Variants in ERLIN1 observed in about 807,000 individuals in gnomAD.
ERLIN1 encodes the protein ER lipid raft associated 1, also known as erlin-1.
ERLIN1 carries 24 observed loss-of-function variants against 46.9 expected under a neutral mutation model. That is an observed-to-expected ratio of 0.51 (90% CI 0.37 to 0.72). ERLIN1 has a LOEUF of 0.72. ERLIN1 is among the 30% of genes least tolerant of loss of function. ERLIN1 has a pLI of 0.00. For synonymous variants in ERLIN1, 158 were observed against 143.2 expected, an observed-to-expected ratio of 1.10 and a Z score of -0.74; for missense variants, 293 against 417.9, an observed-to-expected ratio of 0.70 and a Z score of 2.61.
At chr10:100,183,688 C>T (rs1844790130) in intron 2 of ERLIN1, 68 bp downstream of exon 2, 1 of 1,020,238 alleles carries the variant, frequency 9.8e-7, no homozygotes. Flanking sequence ...CTATCTCCAC[C>T]CACAAGTGTG....
intron 5 of ERLIN1, among the ~76,000 whole-genome samples, chr10:100,175,129 T>C (rs56656771): frequency 0.012 from 1,804 of 152,280 alleles, 34 homozygotes; most frequent in African/African-American, 0.041. Flanking sequence ...CTATCATAAA[T>C]GAAAAGTAAG....
chr10:100,157,047 CAAG>C (rs1312661365), intron 8 of ERLIN1, among the ~76,000 whole-genome samples: 2 of 152,052 alleles, frequency 1.3e-5, no homozygotes, highest in Non-Finnish European at 2.9e-5. Flanking sequence ...AAAAGAAAGA[CAAG>C]AAGGCACAAA....
In ERLIN1 at chr10:100,185,922, C is replaced by A. The variant is rs1844951269; in HGVS notation, c.-296G>T. 6.6e-6 allele frequency: 3 copies of A among 456,760 alleles called. No individual in the cohort carries two copies. In the East Asian group the frequency reaches 1.0e-4, roughly 16 times the overall value. 28.3% of individuals were successfully genotyped at this position (456,760 alleles called of 1,614,324 possible). ...CACTAACTGAGAAGAAGCCCAGCCG[C>A]AGGCTCGCGAGGAAAGCCGACCCCT... On this transcript the variant is annotated 5_prime_UTR_variant, in exon 1 of 11. Transcript: ENST00000421367.
In ERLIN1 at chr10:100,167,372, G is replaced by T; in HGVS notation, c.539C>A (p.Ala180Asp). ...VRVTKPKIPE[A>D]IRRNFELMEA... ...CATTAACTCAAAATTTCTTCTTATG[G>T]CTTCTGGGATTTTGGGTTTTGTAAC... is the stretch of plus-strand genomic sequence containing the variant. Residue 180 changes from alanine (A) to aspartate (D), a missense_variant, in exon 7 of 11, where the codon GCC (alanine) becomes GAC (aspartate). Physicochemically the swap from Ala to Asp is moderately radical, Grantham distance 126. Transcript: ENST00000421367. The T allele has an allele frequency of 6.2e-7, 1 of 1,613,406 alleles. No individual in the cohort carries two copies. Among genetic ancestry groups the T allele is most frequent in the Non-Finnish European group, 8.5e-7 (1 of 1,179,596 alleles).
chr10:100,159,718 T>G (rs1843256549), intron 8 of ERLIN1, among the ~76,000 whole-genome samples: 1 of 151,834 alleles, frequency 6.6e-6, no homozygotes, highest in African/African-American at 2.4e-5. Context: ...GAATTAAAAC[T>G]GAACACCAAT....
intron 9 of ERLIN1, among the ~76,000 whole-genome samples, chr10:100,155,575 C>T (rs1260337498): frequency 1.3e-5 from 2 of 151,392 alleles, no homozygotes; most frequent in African/African-American, 2.4e-5. Context: ...AGTGCAGTGG[C>T]GGGATCTCGG....
At chr10:100,154,786 A>G (rs1300142910) in intron 10 of ERLIN1, 74 bp downstream of exon 10, 5 of 1,146,762 alleles carry the variant, frequency 4.4e-6, no homozygotes, top group East Asian at 2.4e-5. Flanking sequence ...CACTTCTATC[A>G]TATCAGAGCT....
Position 100,167,392 on chromosome 10 carries a change from T to G in ERLIN1, c.519A>C (p.Thr173=). 1 of 1,613,496 alleles carries G rather than the reference T, an allele frequency of 6.2e-7. No homozygotes were observed. Among genetic ancestry groups the G allele is most frequent in the Non-Finnish European group, 8.5e-7 (1 of 1,179,602 alleles). ...TTATGGCTTCTGGGATTTTGGGTTT[T>G]GTAACACGCACAGCCTAAAAAATAA... ...PGLTIQAVRV[T]KPKIPEAIRR... The change falls in exon 7 of 11, where the codon ACA becomes ACC. Residue 173 remains threonine (T), a synonymous_variant. Coordinates refer to ENST00000421367, the MANE Select transcript of ERLIN1 (RefSeq NM_006459.4).
chr10:100,183,695 T>A, intron 2 of ERLIN1, 61 bp downstream of exon 2: 1 of 1,074,322 alleles, frequency 9.3e-7, no homozygotes, highest in Non-Finnish European at 1.4e-6. Context: ...CACCCACAAG[T>A]GTGGTAACTC....
chr10:100,156,718 G>T (rs1037061470), intron 8 of ERLIN1, among the ~76,000 whole-genome samples: 1 of 151,970 alleles, frequency 6.6e-6, no homozygotes, highest in African/African-American at 2.4e-5. Context: ...GAAGCACAGA[G>T]AAAGACAAGA....
At position 100,152,141 on chromosome 10, in the gene ERLIN1, C is replaced by T. The variant is rs369725736; in HGVS notation, c.1037G>A (p.Ser346Asn). The T allele has an allele frequency of 8.5e-5, 136 of 1,608,972 alleles. No homozygotes were observed. The highest frequency in any genetic ancestry group is 1.1e-4 in the Non-Finnish European group (128 of 1,175,420). ...SGENVIQNKE[S>N]TG Reference sequence around the variant, plus strand: ...TTTCCACCTCTTGCATCAACCTGTGCTCTCTTTGTTTTGGATGACGTTCTC... The same window carrying T: ...TTTCCACCTCTTGCATCAACCTGTGTTCTCTTTGTTTTGGATGACGTTCTC... Residue 346 changes from serine to asparagine, a missense_variant, in exon 11 of 11, where the codon AGC (serine) becomes AAC (asparagine). By Grantham distance (46) the Ser-to-Asn change is conservative. Coordinates refer to ENST00000421367, the MANE Select transcript of ERLIN1 (RefSeq NM_006459.4).
At chr10:100,157,821 A>T (rs542206290) in intron 8 of ERLIN1, among the ~76,000 whole-genome samples, 1 of 152,372 alleles carries the variant, frequency 6.6e-6, no homozygotes, top group East Asian at 1.9e-4. Context: ...TGGTAATCTC[A>T]TTCAACAAAG....
At chr10:100,164,190 T>G (rs888370661) in intron 7 of ERLIN1, 95 bp from the exon 8 acceptor site, 5 of 749,524 alleles carry the variant, frequency 6.7e-6, no homozygotes, top group Non-Finnish European at 1.1e-5. Flanking sequence ...AGAACCGTTT[T>G]GTCAACATGA....
intron 8 of ERLIN1, among the ~76,000 whole-genome samples, chr10:100,161,371 C>A (rs1158575101): frequency 6.6e-6 from 1 of 152,056 alleles, no homozygotes; most frequent in Non-Finnish European, 1.5e-5. Context: ...TATATAAGAA[C>A]AAATCTTTAA....
chr10:100,162,935 A>AT (rs1843436443), intron 8 of ERLIN1, among the ~76,000 whole-genome samples: 1 of 152,176 alleles, frequency 6.6e-6, no homozygotes, highest in Admixed American at 6.6e-5. Context: ...ACTGGATAAG[A>AT]ATGTTATTGT....
At chr10:100,157,545 C>T (rs1843141210) in intron 8 of ERLIN1, among the ~76,000 whole-genome samples, 1 of 152,162 alleles carries the variant, frequency 6.6e-6, no homozygotes, top group South Asian at 2.1e-4. Context: ...AGAAAAAGTA[C>T]ATAATGGAAA....
At chr10:100,178,331 T>C (rs1564816243) in intron 3 of ERLIN1, 137 bp from the exon 4 acceptor site, 7 of 590,426 alleles carry the variant, frequency 1.2e-5, no homozygotes, top group Non-Finnish European at 2.1e-5. Context: ...TCCTTTTTCA[T>C]AGCATTTCTG....
intron 9 of ERLIN1, among the ~76,000 whole-genome samples, 177 bp from the exon 10 acceptor site, chr10:100,155,116 C>T (rs1378883293): frequency 2.0e-5 from 3 of 152,208 alleles, no homozygotes; most frequent in African/African-American, 7.2e-5. Context: ...ACTCTTTTCA[C>T]TGTCAAATAA....
At chr10:100,164,417 C>T (rs929762753) in intron 7 of ERLIN1, among the ~76,000 whole-genome samples, 6 of 152,220 alleles carry the variant, frequency 3.9e-5, no homozygotes, top group Admixed American at 6.5e-5. Context: ...TGCTGTTAGA[C>T]CTCCAGCTAG....
Sources: allele counts gnomAD v4.1 joint callset (sites outside exome capture counted in the v4.1 genomes callset), GRCh38; gene constraint gnomAD v4.1.1; transcripts MANE v1.5; gene names NCBI Gene and HGNC (gene_info 2026-07-23, HGNC 2026-07-21).